ZMPSTE24: variants seen among roughly 807,000 people sequenced by gnomAD.
ZMPSTE24 encodes the protein CAAX prenyl protease 1 homolog.
In ZMPSTE24, 48 loss-of-function variants were observed where a neutral mutation model predicts 56.7. The ratio of observed to expected loss-of-function variants is 0.85; its 90% CI spans 0.67 to 1.08. The LOEUF (loss-of-function observed/expected upper bound fraction) is 1.08, where lower values mean the gene tolerates loss of function less well. Ranked by LOEUF, ZMPSTE24 falls within the 50% of genes least tolerant of loss-of-function variation. The pLI, the probability that ZMPSTE24 is intolerant of heterozygous loss-of-function variation, is 0.00. For missense variants in ZMPSTE24, 503 were observed against 548.7 expected (o/e 0.92, Z 0.83); for synonymous variants, 172 against 195.2 (o/e 0.88, Z 0.99).
intron 5 of ZMPSTE24, 37 bp downstream of exon 5, chr1:40,270,164 G>T: frequency 6.2e-7 from 1 of 1,609,216 alleles, no homozygotes; most frequent in Non-Finnish European, 8.5e-7. Context: ...TTTTGCAAAA[G>T]TTCCTTGGTG....
At chr1:40,289,442 A>C (rs905659032) in intron 8 of ZMPSTE24, among the ~76,000 whole-genome samples, 1 of 152,220 alleles carries the variant, frequency 6.6e-6, no homozygotes, top group African/African-American at 2.4e-5. Flanking sequence ...GGATGCATAG[A>C]TTATAAGTGT....
At chr1:40,272,662 C>G (rs1166666696) in intron 6 of ZMPSTE24, among the ~76,000 whole-genome samples, 1 of 152,202 alleles carries the variant, frequency 6.6e-6, no homozygotes, top group Non-Finnish European at 1.5e-5. Context: ...CTATTACTTT[C>G]TTTGAGACTT....
chr1:40,288,595 T>G (rs1643809301), intron 8 of ZMPSTE24, among the ~76,000 whole-genome samples: 2 of 152,204 alleles, frequency 1.3e-5, no homozygotes, highest in African/African-American at 4.8e-5. Flanking sequence ...CATAAGTCCC[T>G]TGACCAAGTC....
At chr1:40,291,431 G>T (rs1187441776) in intron 9 of ZMPSTE24, among the ~76,000 whole-genome samples, 1 of 152,160 alleles carries the variant, frequency 6.6e-6, no homozygotes, top group African/African-American at 2.4e-5. Context: ...TAGCCTGAGG[G>T]ATCCACCCAA....
chr1:40,292,963 C>G lies in ZMPSTE24; in HGVS notation c.*294C>G. 3.0e-6 allele frequency: 1 copy of G among 331,676 alleles called. No individual in the cohort carries two copies. Among genetic ancestry groups the G allele is most frequent in the Non-Finnish European group, 5.7e-6 (1 of 174,276 alleles). The allele number at this position is 331,676 out of a possible 1,614,324, so 20.5% of individuals were successfully genotyped here. On this transcript the variant is annotated 3_prime_UTR_variant, in exon 10 of 10. Coordinates refer to ENST00000372759, the MANE Select transcript of ZMPSTE24 (RefSeq NM_005857.5). Reference sequence around the variant, plus strand: ...ATACAGAACTCGTTTTATTTGTATACTTATATGGAATCTGCATGTGAGGTG... The same window carrying G: ...ATACAGAACTCGTTTTATTTGTATAGTTATATGGAATCTGCATGTGAGGTG...
intron 6 of ZMPSTE24, among the ~76,000 whole-genome samples, chr1:40,280,477 T>C (rs1192374732): frequency 6.6e-6 from 1 of 151,796 alleles, no homozygotes; most frequent in Non-Finnish European, 1.5e-5. Flanking sequence ...TAGGCTGGAG[T>C]GCAGTGGCGA....
chr1:40,264,919 T>C (rs1290031972), intron 2 of ZMPSTE24, among the ~76,000 whole-genome samples: 3 of 145,710 alleles, frequency 2.1e-5, no homozygotes, highest in Non-Finnish European at 4.5e-5. Context: ...TGAAATAATA[T>C]ATGTCAAAGC....
At chr1:40,263,018 G>A in intron 2 of ZMPSTE24, 2 of 990,972 alleles carry the variant, frequency 2.0e-6, no homozygotes, top group Non-Finnish European at 2.4e-6. Flanking sequence ...TTTGCTTCTT[G>A]GAAGTCCTTT....
chr1:40,274,623 AG>A (rs1462330895), intron 6 of ZMPSTE24, among the ~76,000 whole-genome samples: 2 of 152,218 alleles, frequency 1.3e-5, no homozygotes, highest in African/African-American at 4.8e-5. Context: ...CAGTCCACAT[AG>A]GCCTTTGTAA....
rs754088330 is a variant in ZMPSTE24 at position 40,270,139 on chromosome 1, C to CT, written c.627+15dup. 1 of 1,613,558 alleles carries CT rather than the reference C, an allele frequency of 6.2e-7. No individual in the cohort carries two copies. The highest frequency in any genetic ancestry group is 2.2e-5 in the East Asian group (1 of 44,772). ...TAGTTGTGTCTCTGGTGAGTAAAAT[C>CT]TTTATTTCGTTTTCTTTTGCAAAAG... On this transcript the variant is annotated intron_variant, in intron 5 of 9. Transcript: ENST00000372759.
rs553218666 is a variant in ZMPSTE24, at chr1:40,270,894, G to A, written c.627+767G>A. 3.9e-5 allele frequency among the ~76,000 whole-genome samples: 6 copies of A among 152,266 alleles called. No homozygotes were observed. In the East Asian group the frequency reaches 1.2e-3, roughly 29 times the overall value. On this transcript the variant is annotated intron_variant, in intron 5 of 9. Coordinates refer to ENST00000372759, the MANE Select transcript of ZMPSTE24 (RefSeq NM_005857.5). ...GGCACTTTGGGAAGCCAAGGTGGGA[G>A]GATTGCTTAAGCCCAAGAGTTTAAG...
chr1:40,258,269 G>T lies in ZMPSTE24; in HGVS notation c.-3G>T. On this transcript the variant is annotated 5_prime_UTR_variant, in exon 1 of 10. Transcript: ENST00000372759. ...CTGAAGGAGCCGGCGGAACCGGGTGGCCATGGGGATGTGGGCATCGCTGGA... is the reference window on the plus strand; with the variant it reads ...CTGAAGGAGCCGGCGGAACCGGGTGTCCATGGGGATGTGGGCATCGCTGGA... The T allele has an allele frequency of 6.2e-7, 1 of 1,613,652 alleles. No individual in the cohort carries two copies.
At chr1:40,291,997 C>A (rs191113051) in intron 9 of ZMPSTE24, among the ~76,000 whole-genome samples, 1 of 151,952 alleles carries the variant, frequency 6.6e-6, no homozygotes, top group African/African-American at 2.4e-5. Flanking sequence ...CCCATCACCA[C>A]GCCCAGCTAA....
At chr1:40,277,410 A>G (rs1487816091) in intron 6 of ZMPSTE24, among the ~76,000 whole-genome samples, 2 of 152,122 alleles carry the variant, frequency 1.3e-5, no homozygotes, top group Non-Finnish European at 2.9e-5. Context: ...TTTAGTAAGT[A>G]TAAAAGTCCC....
intron 8 of ZMPSTE24, 90 bp from the exon 9 acceptor site, chr1:40,290,764 A>T: frequency 6.5e-7 from 1 of 1,540,250 alleles, no homozygotes; most frequent in South Asian, 1.1e-5. Context: ...GCCCGGCCAC[A>T]CTGTGATTTC....
chr1:40,283,813 G>A (rs1236167183), intron 7 of ZMPSTE24, among the ~76,000 whole-genome samples: 3 of 151,906 alleles, frequency 2.0e-5, no homozygotes, highest in East Asian at 3.9e-4. Flanking sequence ...TCTTACTCGA[G>A]TGCTGGATTT....
At chr1:40,275,638 G>A (rs1323896610) in intron 6 of ZMPSTE24, among the ~76,000 whole-genome samples, 1 of 151,326 alleles carries the variant, frequency 6.6e-6, no homozygotes. Flanking sequence ...TGTAGTTCCA[G>A]CTACTGGGGA....
At chr1:40,278,876 T>C (rs1643699670) in intron 6 of ZMPSTE24, among the ~76,000 whole-genome samples, 2 of 152,210 alleles carry the variant, frequency 1.3e-5, no homozygotes, top group Non-Finnish European at 2.9e-5. Context: ...GGGCCAGCTG[T>C]GGTGATTCAC....
chr1:40,268,335 A>G (rs1246715324), intron 3 of ZMPSTE24, 84 bp from the exon 4 acceptor site: 2 of 880,212 alleles, frequency 2.3e-6, no homozygotes, highest in African/African-American at 3.3e-5. Flanking sequence ...CTTGGGATGT[A>G]GTAAGTAAGT....
Sources: allele counts gnomAD v4.1 joint callset (sites outside exome capture counted in the v4.1 genomes callset), GRCh38; gene constraint gnomAD v4.1.1; transcripts MANE v1.5; gene names NCBI Gene and HGNC (gene_info 2026-07-23, HGNC 2026-07-21).